The following ARHGEF4 variants were observed in gnomAD, a reference collection of about 807,000 sequenced individuals.
The protein encoded by ARHGEF4 is APC-stimulated guanine nucleotide exchange factor 1.
Under a neutral mutation model 162.0 loss-of-function variants are expected in ARHGEF4, and 119 were observed. The ratio of observed to expected loss-of-function variants is 0.73; its 90% confidence interval spans 0.63 to 0.86. The LOEUF (loss-of-function observed/expected upper bound fraction) is 0.86, where lower values mean the gene tolerates loss of function less well. Ranked by LOEUF, ARHGEF4 falls within the 40% of genes least tolerant of loss-of-function variation. The pLI is 0.00. For synonymous variants in ARHGEF4, 1,014 were observed against 979.9 expected, an observed-to-expected ratio of 1.03 and a Z score of -0.65; for missense variants, 2,488 against 2,456.0, an observed-to-expected ratio of 1.01 and a Z score of -0.28.
At chr2:130,864,028 CAAA>C (rs983581229) in intron 1 of ARHGEF4, among the ~76,000 whole-genome samples, 1 of 145,034 alleles carries the variant, frequency 6.9e-6, no homozygotes. Context: ...ACTAAAAATA[CAAA>C]AAAAATTAGC....
At chr2:131,032,061 T>TC (rs926388421) in intron 5 of ARHGEF4, among the ~76,000 whole-genome samples, 11 of 152,210 alleles carry the variant, frequency 7.2e-5, no homozygotes, top group African/African-American at 2.6e-4. Flanking sequence ...CAGCAGCCTG[T>TC]CCCCTGCCTC....
intron 1 of ARHGEF4, among the ~76,000 whole-genome samples, chr2:130,840,276 G>A (rs924459006): frequency 1.3e-5 from 2 of 152,176 alleles, no homozygotes; most frequent in Non-Finnish European, 2.9e-5. Flanking sequence ...ACTATGCCAA[G>A]GATTGTGACA....
chr2:130,916,781 C>G lies in ARHGEF4; in HGVS notation c.2835C>G (p.Ser945Arg). 1.3e-6 allele frequency: 2 copies of G among 1,550,544 alleles called. No homozygotes were observed. Among genetic ancestry groups the G allele is most frequent in the South Asian group, 2.4e-5 (2 of 84,048 alleles). The change falls in exon 2 of 14, where the codon AGC (serine) becomes AGG (arginine). Residue 945 changes from serine to arginine, a missense_variant. This residue lies in a region of ARHGEF4 where 1,642 missense variants were observed against 1,481.5 expected (regional missense o/e 1.11). Transcript: ENST00000409359. Reference protein sequence around the residue: ...PSSPKGEKEKSRLRQGSWRAF... With the variant: ...PSSPKGEKEKRRLRQGSWRAF... Reference sequence around the variant, plus strand: ...CTCCCAAGGGCGAGAAGGAGAAGAGCAGGCTGCGCCAGGGTTCCTGGCGGG... The same window carrying G: ...CTCCCAAGGGCGAGAAGGAGAAGAGGAGGCTGCGCCAGGGTTCCTGGCGGG...
At chr2:130,963,442 A>G (rs1684757385) in intron 4 of ARHGEF4, among the ~76,000 whole-genome samples, 1 of 151,908 alleles carries the variant, frequency 6.6e-6, no homozygotes, top group Non-Finnish European at 1.5e-5. Context: ...GGCGCCGCCA[A>G]CCGTCTGAGC....
intron 1 of ARHGEF4, among the ~76,000 whole-genome samples, chr2:130,913,478 T>C (rs1270687211): frequency 6.6e-6 from 1 of 152,244 alleles, no homozygotes; most frequent in Non-Finnish European, 1.5e-5. Context: ...ACTTCGATCA[T>C]TCTCATTTTT....
Position 130,985,567 on chromosome 2 carries a change from G to T in ARHGEF4, c.3985+38932G>T, listed in dbSNP as rs576400648. Among the ~76,000 whole-genome samples the T allele has an allele frequency of 3.9e-5, 6 of 152,150 alleles. No individual in the cohort carries two copies. In the East Asian group the frequency reaches 9.7e-4, roughly 25 times the overall value. ...CTAGGGAGGGGCAAGGAGGCATCTG[G>T]GGGGGTGATGTGATGAGTTTCAGTT... On this transcript the variant is annotated intron_variant, in intron 4 of 13. Transcript: ENST00000409359.
At chr2:130,955,034 A>T (rs1038488702) in intron 4 of ARHGEF4, among the ~76,000 whole-genome samples, 3 of 151,690 alleles carry the variant, frequency 2.0e-5, no homozygotes, top group Non-Finnish European at 4.4e-5. Flanking sequence ...CAAGTTTGCT[A>T]ATTATTTCTT....
chr2:130,915,795 G>C lies in ARHGEF4; in HGVS notation c.1849G>C (p.Glu617Gln). The change falls in exon 2 of 14, where the codon GAG becomes CAG. Residue 617 changes from glutamate to glutamine, a missense_variant. Glu to Gln is a conservative substitution (Grantham distance 29). Transcript: ENST00000409359. Reference sequence around the variant, plus strand: ...TGGGGGTGCCGGGGGCCGGCAGCTGGAGCCCAAAGCAGGCGGCGAGGCCTC... The same window carrying C: ...TGGGGGTGCCGGGGGCCGGCAGCTGCAGCCCAAAGCAGGCGGCGAGGCCTC... Reference protein sequence around the residue: ...GPGGAGGRQLEPKAGGEASRG... With the variant: ...GPGGAGGRQLQPKAGGEASRG... 1.3e-6 allele frequency: 2 copies of C among 1,525,408 alleles called. No homozygotes were observed. The highest frequency in any genetic ancestry group is 1.8e-6 in the Non-Finnish European group (2 of 1,135,096). 94.5% of individuals were successfully genotyped at this position (1,525,408 alleles called of 1,614,324 possible).
intron 2 of ARHGEF4, among the ~76,000 whole-genome samples, chr2:130,925,911 C>G (rs1682214265): frequency 6.6e-6 from 1 of 152,164 alleles, no homozygotes; most frequent in African/African-American, 2.4e-5. Flanking sequence ...TACTTTTTCA[C>G]CCCAACCCAC....
chr2:130,940,259 T>A (rs923575301), intron 3 of ARHGEF4, among the ~76,000 whole-genome samples: 1 of 152,134 alleles, frequency 6.6e-6, no homozygotes, highest in Non-Finnish European at 1.5e-5. Flanking sequence ...GGTGGGTAAT[T>A]CTGTGTAGAT....
At chr2:131,005,036 G>A (rs1212215397) in intron 4 of ARHGEF4, among the ~76,000 whole-genome samples, 8 of 152,222 alleles carry the variant, frequency 5.3e-5, no homozygotes. Flanking sequence ...AACAGCTGCA[G>A]CAAAGGGGGC....
At chr2:131,009,625 A>T (rs1688329077) in intron 4 of ARHGEF4, among the ~76,000 whole-genome samples, 1 of 152,080 alleles carries the variant, frequency 6.6e-6, no homozygotes, top group African/African-American at 2.4e-5. Context: ...TCCAATCTTC[A>T]GTTCAGCCTA....
chr2:130,964,354 C>T, intron 4 of ARHGEF4: 2 of 661,056 alleles, frequency 3.0e-6, no homozygotes, highest in Non-Finnish European at 3.8e-6. Flanking sequence ...CCCTCACTTT[C>T]TGCCTGTCGT....
At chr2:131,044,738 C>G (rs759227896) in intron 12 of ARHGEF4, among the ~76,000 whole-genome samples, 196 bp downstream of exon 12, 1 of 152,246 alleles carries the variant, frequency 6.6e-6, no homozygotes, top group Non-Finnish European at 1.5e-5. Context: ...GTTACCTGAC[C>G]GCATCCCATG....
intron 4 of ARHGEF4, among the ~76,000 whole-genome samples, chr2:130,992,461 C>T (rs750571703): frequency 3.3e-5 from 5 of 151,846 alleles, no homozygotes; most frequent in Non-Finnish European, 7.4e-5. Context: ...GAACAAACAA[C>T]TCCAGATGCG....
intron 2 of ARHGEF4, among the ~76,000 whole-genome samples, chr2:130,930,211 G>A (rs1010220816): frequency 7.9e-5 from 12 of 152,240 alleles, no homozygotes; most frequent in African/African-American, 2.9e-4. Context: ...TTTCACCTTA[G>A]TTTTTAGCAA....
At chr2:131,002,770 G>C (rs939090847) in intron 4 of ARHGEF4, among the ~76,000 whole-genome samples, 3 of 144,728 alleles carry the variant, frequency 2.1e-5, no homozygotes, top group Non-Finnish European at 4.5e-5. Flanking sequence ...GTGAAGGAGA[G>C]CTCACTGCTC....
At chr2:130,903,930 T>G (rs1680663462) in intron 1 of ARHGEF4, among the ~76,000 whole-genome samples, 1 of 152,220 alleles carries the variant, frequency 6.6e-6, no homozygotes, top group Non-Finnish European at 1.5e-5. Flanking sequence ...CCACCACTGA[T>G]GGGCACCTAA....
intron 1 of ARHGEF4, among the ~76,000 whole-genome samples, chr2:130,850,984 T>C (rs1007882149): frequency 6.6e-6 from 1 of 152,212 alleles, no homozygotes; most frequent in African/African-American, 2.4e-5. Flanking sequence ...GTTCCGACTT[T>C]GGGCCGTTCA....
Sources: allele counts gnomAD v4.1 joint callset (sites outside exome capture counted in the v4.1 genomes callset), GRCh38; gene constraint gnomAD v4.1.1; regional missense constraint gnomAD v4.1.1; transcripts MANE v1.5; gene names NCBI Gene and HGNC (gene_info 2026-07-23, HGNC 2026-07-21).